LRRTM4: variants seen among roughly 807,000 people sequenced by gnomAD.
LRRTM4 encodes leucine-rich repeat transmembrane neuronal protein 4.
LRRTM4 carries 25 observed loss-of-function variants against 47.6 expected under a neutral mutation model. The observed-to-expected ratio is 0.53, with a 90% CI of 0.38 to 0.73. The LOEUF (loss-of-function observed/expected upper bound fraction) is 0.73. LRRTM4 is among the 30% of genes least tolerant of loss of function. LRRTM4 has a pLI of 0.00. For missense variants in LRRTM4, 638 were observed against 713.4 expected, an observed-to-expected ratio of 0.89 and a Z score of 1.20; for synonymous variants, 311 against 269.5, an observed-to-expected ratio of 1.15 and a Z score of -1.51.
At chr2:77,336,229 AAAGG>A (rs1208139064) in intron 3 of LRRTM4, among the ~76,000 whole-genome samples, 4 of 146,372 alleles carry the variant, frequency 2.7e-5, no homozygotes, top group Non-Finnish European at 6.0e-5. Flanking sequence ...GAAAGGAAAG[AAAGG>A]AAGGAAGGAA....
At position 77,438,703 on chromosome 2, in the gene LRRTM4, G is replaced by A. The variant is rs188190001; in HGVS notation, c.1551+79615C>T. Among the ~76,000 whole-genome samples the A allele has an allele frequency of 9.7e-3, 1,482 of 152,210 alleles. 28 individuals are homozygous for A. Among genetic ancestry groups the A allele is most frequent in the African/African-American group, 0.034 (1,423 of 41,506 alleles). On this transcript the variant is annotated intron_variant, in intron 3 of 3. Transcript: ENST00000409884. The stretch of plus-strand genomic sequence containing the variant: ...TTACAGGCGTGAGCCAACGTGCCCG[G>A]CGGATAATGATAATTTTAAAAATGT...
chr2:76,973,715 G>C (rs1452215694), intron 3 of LRRTM4, among the ~76,000 whole-genome samples: 2 of 151,940 alleles, frequency 1.3e-5, no homozygotes, highest in African/African-American at 4.8e-5. Context: ...CGACAAGATG[G>C]ATGAATAGGC....
chr2:77,399,500 T>C (rs149784923), intron 3 of LRRTM4, among the ~76,000 whole-genome samples: 81 of 151,856 alleles, frequency 5.3e-4, no homozygotes, highest in Middle Eastern at 3.4e-3. Context: ...TTGTCAGAGG[T>C]TACACAATTC....
At chr2:77,166,649 T>A (rs1672895205) in intron 3 of LRRTM4, among the ~76,000 whole-genome samples, 2 of 151,778 alleles carry the variant, frequency 1.3e-5, no homozygotes, top group Admixed American at 6.6e-5. Context: ...AGAAATAATA[T>A]CACACACCTA....
At chr2:76,799,560 C>G (rs1006758976) in intron 3 of LRRTM4, among the ~76,000 whole-genome samples, 12 of 142,844 alleles carry the variant, frequency 8.4e-5, no homozygotes, top group African/African-American at 2.3e-4. Flanking sequence ...GATGCCCTCT[C>G]TCACCACTCC....
At chr2:76,942,989 T>C (rs1242335031) in intron 3 of LRRTM4, among the ~76,000 whole-genome samples, 1 of 152,152 alleles carries the variant, frequency 6.6e-6, no homozygotes, top group Non-Finnish European at 1.5e-5. Flanking sequence ...TTTCCCTTTC[T>C]ATACAAAAGA....
chr2:76,962,751 G>A (rs1250618680), intron 3 of LRRTM4, among the ~76,000 whole-genome samples: 1 of 150,564 alleles, frequency 6.6e-6, no homozygotes, highest in Non-Finnish European at 1.5e-5. Flanking sequence ...ATTAAAGCAA[G>A]TATTATGAAA....
rs1679290793 is a variant in LRRTM4 at position 77,518,090 on chromosome 2, A to G, written c.1551+228T>C. The G allele has an allele frequency of 8.6e-6, 11 of 1,275,866 alleles. No individual in the cohort carries two copies. In the East Asian group the frequency reaches 2.7e-4, roughly 31 times the overall value. 79.0% of individuals were successfully genotyped at this position (1,275,866 alleles called of 1,614,324 possible). On this transcript the variant is annotated intron_variant, in intron 3 of 3. Transcript: ENST00000409884. ...TGTTTTAACATAGTGCTTTATTCCA[A>G]CTTATCCTTGAATGAACTTCCTTCA...
At position 76,786,172 on chromosome 2, in the gene LRRTM4, A is replaced by G. The variant is rs531073691; in HGVS notation, c.1552-37256T>C. Among the ~76,000 whole-genome samples the G allele has an allele frequency of 7.2e-5, 11 of 152,286 alleles. 1 individual carries two copies. The highest frequency in any genetic ancestry group is 1.2e-4 in the Non-Finnish European group (8 of 68,010). The stretch of plus-strand genomic sequence containing the variant: ...AAGAAGTACAAATTCTTTTCCATTC[A>G]TAGAGCAATTTATAAAGAAAGTCTC... On this transcript the variant is annotated intron_variant, in intron 3 of 3. Coordinates refer to ENST00000409884, the MANE Select transcript of LRRTM4 (RefSeq NM_001134745.3).
intron 3 of LRRTM4, among the ~76,000 whole-genome samples, chr2:77,123,979 A>T (rs572641743): frequency 6.6e-6 from 1 of 152,146 alleles, no homozygotes; most frequent in African/African-American, 2.4e-5. Context: ...TTGGTGAGCC[A>T]AGGAAATGTT....
intron 3 of LRRTM4, among the ~76,000 whole-genome samples, chr2:77,119,348 AT>A (rs1671467787): frequency 6.6e-6 from 1 of 151,738 alleles, no homozygotes; most frequent in South Asian, 2.1e-4. Flanking sequence ...TTCTCTAAGA[AT>A]TTGTTAAGGT....
intron 3 of LRRTM4, among the ~76,000 whole-genome samples, chr2:77,172,360 G>C (rs1282410323): frequency 2.6e-5 from 4 of 152,144 alleles, no homozygotes; most frequent in Non-Finnish European, 5.9e-5. Context: ...ACTTTGGGAG[G>C]CCGAGGTGGG....
intron 3 of LRRTM4, among the ~76,000 whole-genome samples, chr2:76,956,274 A>G (rs1178664057): frequency 6.6e-6 from 1 of 151,780 alleles, no homozygotes; most frequent in Non-Finnish European, 1.5e-5. Flanking sequence ...GAAGGAAACT[A>G]GAAATTAATA....
intron 3 of LRRTM4, among the ~76,000 whole-genome samples, chr2:77,334,220 T>A (rs1424031783): frequency 6.6e-6 from 1 of 152,144 alleles, no homozygotes; most frequent in Non-Finnish European, 1.5e-5. Flanking sequence ...GAATGTGGAC[T>A]TTTGAGTTAA....
chr2:77,012,140 A>T (rs1677897660), intron 3 of LRRTM4, among the ~76,000 whole-genome samples: 1 of 152,132 alleles, frequency 6.6e-6, no homozygotes, highest in Admixed American at 6.6e-5. Context: ...AATTCTGAAA[A>T]ATGTAGTTTA....
At chr2:77,476,996 G>GTGTGTA (rs1425584921) in intron 3 of LRRTM4, among the ~76,000 whole-genome samples, 12 of 96,324 alleles carry the variant, frequency 1.2e-4, no homozygotes, top group Non-Finnish European at 2.3e-4. Context: ...GTGTGTGTGT[G>GTGTGTA]TATGTGTGTA....
At chr2:77,448,409 T>C in intron 3 of LRRTM4, among the ~76,000 whole-genome samples, 1 of 152,198 alleles carries the variant, frequency 6.6e-6, no homozygotes, top group East Asian at 1.9e-4. Flanking sequence ...ATTATTCTTT[T>C]GCATACAATA....
chr2:77,175,781 C>T (rs978060848), intron 3 of LRRTM4, among the ~76,000 whole-genome samples: 2 of 150,724 alleles, frequency 1.3e-5, no homozygotes, highest in Admixed American at 6.6e-5. Context: ...TTGTCACCCC[C>T]ACACCCGATG....
intron 3 of LRRTM4, among the ~76,000 whole-genome samples, chr2:77,164,353 T>C (rs2103816884): frequency 1.3e-5 from 2 of 152,136 alleles, no homozygotes; most frequent in South Asian, 4.2e-4. Context: ...TCCCATACAA[T>C]AATAATGAGA....
Sources: allele counts gnomAD v4.1 joint callset (sites outside exome capture counted in the v4.1 genomes callset), GRCh38; gene constraint gnomAD v4.1.1; transcripts MANE v1.5; gene names NCBI Gene and HGNC (gene_info 2026-07-23, HGNC 2026-07-21).